The following FBH1 variants were observed in gnomAD, a reference collection of about 807,000 sequenced individuals.
FBH1 encodes F-box DNA helicase 1.
Under a neutral mutation model 115.5 loss-of-function variants are expected in FBH1, and 43 were observed. The observed-to-expected ratio is 0.37, with a 90% CI of 0.29 to 0.48. The LOEUF (loss-of-function observed/expected upper bound fraction) is 0.48. Among genes scored for constraint, FBH1 ranks in the 20% least tolerant of loss-of-function variants. The probability of loss-of-function intolerance (pLI) is 0.99; values close to 1 mark genes in which losing one functional copy is unlikely to be tolerated. For missense variants in FBH1, 1,001 were observed against 1,337.3 expected (o/e 0.75, Z 3.92); for synonymous variants, 524 against 507.8 (o/e 1.03, Z -0.43).
intron 2 of FBH1, 63 bp downstream of exon 2, chr10:5,903,238 C>A: frequency 7.6e-7 from 1 of 1,318,106 alleles, no homozygotes; most frequent in South Asian, 1.7e-5. Context: ...TTGACTATCT[C>A]CTAGTTTAAA....
Position 5,925,635 on chromosome 10 carries a change from TC to T in FBH1, c.2722+145del, listed in dbSNP as rs1832600036. The T allele has an allele frequency of 1.7e-6, 2 of 1,210,902 alleles. No homozygotes were observed. Among genetic ancestry groups the T allele is most frequent in the East Asian group, 4.8e-5 (2 of 42,002 alleles). The allele number at this position is 1,210,902 out of a possible 1,614,324, so 75.0% of individuals were successfully genotyped here. A position where few individuals can be genotyped will look rare whatever the true frequency, so the allele number is the denominator to read the frequency against. On this transcript the variant is annotated intron_variant, in intron 18 of 20. Coordinates refer to ENST00000362091, the MANE Select transcript of FBH1 (RefSeq NM_178150.3). The surrounding 1 kb of genome is among the most constrained non-coding windows in gnomAD (Gnocchi z 4.6). ...TGGAAAAACTAAACCACAAAACACC[TC>T]CTAGTCCTAAACTTTTGATTCTTAT...
intron 1 of FBH1, chr10:5,894,027 G>C (rs995125819): frequency 5.1e-6 from 5 of 985,302 alleles, no homozygotes; most frequent in Admixed American, 6.1e-5. Context: ...TGTCATACAC[G>C]AGTGCTGTCT....
chr10:5,914,179 A>C lies in FBH1; in HGVS notation c.1306A>C (p.Lys436Gln), dbSNP rs542028775. ...ACTTCTCTTTTGTAATGATTATAGC[A>C]AGAAAACCATCCAACTTACACATGA... ...VKEEPSVWPGKKTIQLTHEQQ... is the reference protein window; with the variant it reads ...VKEEPSVWPGQKTIQLTHEQQ... The change falls in exon 8 of 21, where the codon AAG (lysine) becomes CAG (glutamine). Residue 436 changes from lysine (K) to glutamine (Q), a missense_variant and splice_region_variant. By Grantham distance (53) the Lys-to-Gln change is moderately conservative. This residue lies in a region of FBH1 where 521 missense variants were observed against 811.0 expected (regional missense o/e 0.64). Coordinates refer to ENST00000362091, the MANE Select transcript of FBH1 (RefSeq NM_178150.3). The surrounding 1 kb of genome is among the most constrained non-coding windows in gnomAD (Gnocchi z 5.2). 1.2e-6 allele frequency: 2 copies of C among 1,614,006 alleles called. No homozygotes were observed. The highest frequency in any genetic ancestry group is 2.7e-5 in the African/African-American group (2 of 75,006).
Position 5,895,288 on chromosome 10 carries a change from G to A in FBH1, c.1+4942G>A. On this transcript the variant is annotated intron_variant, in intron 1 of 20. Coordinates refer to ENST00000362091, the MANE Select transcript of FBH1 (RefSeq NM_178150.3). The surrounding 1 kb of genome is among the most constrained non-coding windows in gnomAD (Gnocchi z 5.0). ...GTGGATCTTTGTTAAAGTTGGGTAT[G>A]GTATTGTAGCAGTTTCTCCAGTCAG... 7.5e-7 allele frequency: 1 copy of A among 1,340,248 alleles called. No homozygotes were observed. The allele number at this position is 1,340,248 out of a possible 1,614,324, so 83.0% of individuals were successfully genotyped here. A position where few individuals can be genotyped will look rare whatever the true frequency, so the allele number is the denominator to read the frequency against.
chr10:5,909,261 G>T lies in FBH1; in HGVS notation c.987G>T (p.Arg329=). 1 of 1,612,164 alleles carries T rather than the reference G, an allele frequency of 6.2e-7. No homozygotes were observed. Residue 329 remains arginine (R), a synonymous_variant, in exon 5 of 21, where the codon CGG becomes CGT. Coordinates refer to ENST00000362091, the MANE Select transcript of FBH1 (RefSeq NM_178150.3). The surrounding 1 kb of genome is among the most constrained non-coding windows in gnomAD (Gnocchi z 4.4). ...PLLPEAEACV[R]QHLPDLYAAA... ...TCCCCGAGGCTGAGGCGTGTGTGCGGCAACACCTCCCCGACCTCTACGCTG... is the reference window on the plus strand; with the variant it reads ...TCCCCGAGGCTGAGGCGTGTGTGCGTCAACACCTCCCCGACCTCTACGCTG...
At chr10:5,890,128 T>C (rs1169698868), upstream of FBH1, 5 of 324,210 alleles carry the variant, frequency 1.5e-5, no homozygotes, top group Non-Finnish European at 2.3e-5. Context: ...CCCCCTCCGG[T>C]CTCGCGTCCC....
Position 5,914,214 on chromosome 10 carries a change from G to A in FBH1, c.1341G>A (p.Leu447=). The change falls in exon 8 of 21, where the codon CTG becomes CTA. Residue 447 remains leucine (L), a synonymous_variant. Coordinates refer to ENST00000362091, the MANE Select transcript of FBH1 (RefSeq NM_178150.3). The surrounding 1 kb of genome is among the most constrained non-coding windows in gnomAD (Gnocchi z 5.2). ...TCCAACTTACACATGAACAACAGCT[G>A]ATTCTGAATCACAAGATGGAACCTC... is the stretch of plus-strand genomic sequence containing the variant. The part of the protein sequence containing the change: ...KTIQLTHEQQ[L]ILNHKMEPLQ... 6.2e-7 allele frequency: 1 copy of A among 1,614,236 alleles called. No homozygotes were observed. Among genetic ancestry groups the A allele is most frequent in the Non-Finnish European group, 8.5e-7 (1 of 1,180,046 alleles).
chr10:5,890,438 C>T (rs1190229570), intron 1 of FBH1, 92 bp downstream of exon 1: 2 of 346,632 alleles, frequency 5.8e-6, no homozygotes, highest in African/African-American at 2.2e-5. Context: ...GGGGTCCGGG[C>T]CCGGGGTGGG....
chr10:5,891,333 A>G (rs1030311997), intron 1 of FBH1, among the ~76,000 whole-genome samples: 1 of 152,248 alleles, frequency 6.6e-6, no homozygotes, highest in Non-Finnish European at 1.5e-5. Flanking sequence ...AGCTTTGCTC[A>G]GGTTATTGTT....
chr10:5,916,691 G>C (rs1314982523), intron 10 of FBH1, among the ~76,000 whole-genome samples: 1 of 141,218 alleles, frequency 7.1e-6, no homozygotes, highest in Non-Finnish European at 1.5e-5. Context: ...TTAGGGATCT[G>C]AGGATGGGGG....
rs1833000681 is a variant in FBH1 at position 5,932,060 on chromosome 10, T to C, written c.2830-4396T>C. 1.3e-5 allele frequency among the ~76,000 whole-genome samples: 2 copies of C among 152,146 alleles called. No homozygotes were observed. Among genetic ancestry groups the C allele is most frequent in the African/African-American group, 4.8e-5 (2 of 41,418 alleles). ...TACTTAGGAGGCTGAGGTGGGAGAA[T>C]CGCGTGAACCCAGGAGGCGGAGATT... On this transcript the variant is annotated intron_variant, in intron 19 of 20. Coordinates refer to ENST00000362091, the MANE Select transcript of FBH1 (RefSeq NM_178150.3). This position sits in a 1 kb window ranked among gnomAD's most constrained non-coding sequence, Gnocchi z 5.9.
At chr10:5,899,595 A>G (rs1325222001) in intron 1 of FBH1, among the ~76,000 whole-genome samples, 1 of 152,006 alleles carries the variant, frequency 6.6e-6, no homozygotes, top group Non-Finnish European at 1.5e-5. Flanking sequence ...GCATGAGTCC[A>G]CTCTGTTGGA....
chr10:5,892,031 A>T (rs920391998), intron 1 of FBH1, among the ~76,000 whole-genome samples: 2 of 151,882 alleles, frequency 1.3e-5, no homozygotes, highest in African/African-American at 4.8e-5. Flanking sequence ...GGATAACTAA[A>T]TGATAATGTA....
intron 13 of FBH1, among the ~76,000 whole-genome samples, chr10:5,920,362 C>G (rs965790533): frequency 1.3e-5 from 2 of 152,200 alleles, no homozygotes; most frequent in African/African-American, 4.8e-5. Flanking sequence ...TAGTGTTTGT[C>G]AGGTTTCTTC....
At chr10:5,889,997 G>T (rs1227412156), upstream of FBH1, 1 of 235,480 alleles carries the variant, frequency 4.2e-6, no homozygotes, top group African/African-American at 2.3e-5. Flanking sequence ...GGAACTCTGG[G>T]AAAGTTTCCC....
In FBH1 at chr10:5,895,934, A is replaced by G. The variant is rs149189081; in HGVS notation, c.1+5588A>G. Among the ~76,000 whole-genome samples the G allele has an allele frequency of 4.6e-5, 7 of 152,334 alleles. No individual in the cohort carries two copies. The highest frequency in any genetic ancestry group is 5.9e-5 in the Non-Finnish European group (4 of 68,034). On this transcript the variant is annotated intron_variant, in intron 1 of 20. Transcript: ENST00000362091. The surrounding 1 kb of genome is among the most constrained non-coding windows in gnomAD (Gnocchi z 5.0). The stretch of plus-strand genomic sequence containing the variant: ...AGCTGTGTGCTCAGGGAGAAGAGCA[A>G]CAACATTCTTTGCAGCAAAACCTGA...
In FBH1 at chr10:5,917,609, G is replaced by C; in HGVS notation, c.1896G>C (p.Gln632His). 6.2e-7 allele frequency: 1 copy of C among 1,614,152 alleles called. No homozygotes were observed. The highest frequency in any genetic ancestry group is 8.5e-7 in the Non-Finnish European group (1 of 1,180,026). Reference protein sequence around the residue: ...MTHDGYLKLWQLSKPSLASFD... With the variant: ...MTHDGYLKLWHLSKPSLASFD... ...TTTTAGGCTACTTGAAACTCTGGCA[G>C]CTGAGCAAGCCTTCGCTGGCCTCTT... Residue 632 changes from glutamine to histidine, a missense_variant, in exon 12 of 21, where the codon CAG becomes CAC. Physicochemically the swap from Gln to His is conservative, Grantham distance 24. Transcript: ENST00000362091. This position sits in a 1 kb window ranked among gnomAD's most constrained non-coding sequence, Gnocchi z 5.6.
Position 5,937,317 on chromosome 10 carries a change from T to G in FBH1, c.*37T>G, listed in dbSNP as rs1405816715. 2 of 1,475,012 alleles carry G rather than the reference T, an allele frequency of 1.4e-6. No homozygotes were observed. Among genetic ancestry groups the G allele is most frequent in the Non-Finnish European group, 1.8e-6 (2 of 1,106,266 alleles). The allele number at this position is 1,475,012 out of a possible 1,614,324, so 91.4% of individuals were successfully genotyped here. A position where few individuals can be genotyped will look rare whatever the true frequency, so the allele number is the denominator to read the frequency against. ...ACGTTCTCCGCAGTGCAGAGCAGCTTGCCGAGGACCCCGCGTGAAGAAAGC... is the reference window on the plus strand; with the variant it reads ...ACGTTCTCCGCAGTGCAGAGCAGCTGGCCGAGGACCCCGCGTGAAGAAAGC... On this transcript the variant is annotated 3_prime_UTR_variant, in exon 21 of 21. Transcript: ENST00000362091.
chr10:5,890,299 CGCGGGCCCGGCGGCGGCGGCA>C lies in FBH1; in HGVS notation c.-41_-21del, dbSNP rs1842621921. ...GGACGCTGGGCTGAGCGGCCGGCGGCGCGGGCCCGGCGGCGGCGGCAGCGGGGTCCGGGTCCGGAGCGCCAC... is the reference window on the plus strand; with the variant it reads ...GGACGCTGGGCTGAGCGGCCGGCGGCGCGGGGTCCGGGTCCGGAGCGCCAC... On this transcript the variant is annotated 5_prime_UTR_variant, in exon 1 of 21. Coordinates refer to ENST00000362091, the MANE Select transcript of FBH1 (RefSeq NM_178150.3). The C allele has an allele frequency of 5.4e-6, 2 of 373,734 alleles. No homozygotes were observed. Among genetic ancestry groups the C allele is most frequent in the South Asian group, 1.3e-4 (1 of 7,588 alleles). 23.2% of individuals were successfully genotyped at this position (373,734 alleles called of 1,614,324 possible). A position where few individuals can be genotyped will look rare whatever the true frequency, so the allele number is the denominator to read the frequency against.
Sources: allele counts gnomAD v4.1 joint callset (sites outside exome capture counted in the v4.1 genomes callset), GRCh38; gene constraint gnomAD v4.1.1; regional missense constraint gnomAD v4.1.1; non-coding constraint Gnocchi (gnomAD v3.1); transcripts MANE v1.5; gene names NCBI Gene and HGNC (gene_info 2026-07-23, HGNC 2026-07-21).